The following TRIP12 variants were observed in gnomAD, a reference collection of about 807,000 sequenced individuals.
TRIP12 encodes the protein thyroid hormone receptor interactor 12.
TRIP12 carries 25 observed loss-of-function variants against 244.2 expected under a neutral mutation model. The observed-to-expected ratio is 0.10, with a 90% confidence interval of 0.07 to 0.14. The LOEUF (loss-of-function observed/expected upper bound fraction) is 0.14. Among genes scored for constraint, TRIP12 ranks in the 10% least tolerant of loss-of-function variants. TRIP12 has a pLI of 1.00. For missense variants in TRIP12, 1,677 were observed against 2,486.4 expected, an observed-to-expected ratio of 0.67 and a Z score of 6.92; for synonymous variants, 905 against 873.1, an observed-to-expected ratio of 1.04 and a Z score of -0.64.
At chr2:229,802,812 G>C (rs544871209) in intron 20 of TRIP12, among the ~76,000 whole-genome samples, 1 of 152,108 alleles carries the variant, frequency 6.6e-6, no homozygotes, top group South Asian at 2.1e-4. Context: ...TGGTGTGACA[G>C]CCAGAAGGGA....
chr2:229,784,335 G>A (rs187666299), intron 34 of TRIP12, among the ~76,000 whole-genome samples: 144 of 150,744 alleles, frequency 9.6e-4, no homozygotes, highest in African/African-American at 3.2e-3. Context: ...AAAAAAATCT[G>A]AATAGCCTAT....
chr2:229,770,908 C>G (rs1359469292), intron 39 of TRIP12, among the ~76,000 whole-genome samples: 1 of 152,160 alleles, frequency 6.6e-6, no homozygotes, highest in Non-Finnish European at 1.5e-5. Context: ...GCCTCCCCAG[C>G]CACGTGGAAC....
intron 41 of TRIP12, among the ~76,000 whole-genome samples, chr2:229,768,045 C>T (rs1016663050): frequency 1.3e-5 from 2 of 152,134 alleles, no homozygotes; most frequent in African/African-American, 2.4e-5. Flanking sequence ...GAGCCAGTCG[C>T]TTGAGAGTTT....
At chr2:229,834,554 G>T (rs2054275060) in intron 6 of TRIP12, among the ~76,000 whole-genome samples, 1 of 152,214 alleles carries the variant, frequency 6.6e-6, no homozygotes, top group Non-Finnish European at 1.5e-5. Context: ...GAGGTCAGGA[G>T]TTGGACAGCA....
At chr2:229,783,847 A>T (rs1201573097) in intron 34 of TRIP12, among the ~76,000 whole-genome samples, 1 of 151,176 alleles carries the variant, frequency 6.6e-6, no homozygotes, top group Admixed American at 6.6e-5. Context: ...ACGGTGGCTC[A>T]TGCCTGTAAT....
intron 2 of TRIP12, among the ~76,000 whole-genome samples, chr2:229,869,921 G>T (rs369715316): frequency 6.6e-6 from 1 of 152,288 alleles, no homozygotes; most frequent in East Asian, 1.9e-4. Flanking sequence ...CACATACACA[G>T]TAGTTGGCAA....
intron 4 of TRIP12, among the ~76,000 whole-genome samples, chr2:229,852,084 T>C (rs2058817572): frequency 6.6e-6 from 1 of 152,218 alleles, no homozygotes; most frequent in Non-Finnish European, 1.5e-5. Context: ...CTGGTTCTTG[T>C]CTAGGTCTGA....
At chr2:229,768,816 C>T (rs1470533726) in intron 40 of TRIP12, 97 bp from the exon 41 acceptor site, 1 of 1,155,106 alleles carries the variant, frequency 8.7e-7, no homozygotes, top group African/African-American at 1.6e-5. Context: ...ATTAGATTAG[C>T]ACTTTTAAAT....
chr2:229,881,740 T>C (rs1330995541), intron 1 of TRIP12, among the ~76,000 whole-genome samples: 1 of 152,182 alleles, frequency 6.6e-6, no homozygotes, highest in Non-Finnish European at 1.5e-5. Context: ...TGCGTACTGA[T>C]ATGGAAAGAT....
At chr2:229,779,065 T>A in intron 34 of TRIP12, 75 bp from the exon 35 acceptor site, 1 of 1,188,794 alleles carries the variant, frequency 8.4e-7, no homozygotes, top group Non-Finnish European at 1.3e-6. Context: ...CTTGGAAATG[T>A]GCACACTAAC....
intron 30 of TRIP12, 70 bp downstream of exon 30, chr2:229,791,054 C>A: frequency 6.3e-7 from 1 of 1,588,366 alleles, no homozygotes; most frequent in Non-Finnish European, 8.6e-7. Context: ...CCAAATCACT[C>A]TTTGAAAATC....
rs2031540405 is a variant in TRIP12 at position 229,765,841 on chromosome 2, C to T, written c.*1713G>A. The T allele has an allele frequency of 6.6e-6, 1 of 152,200 alleles. No homozygotes were observed. The highest frequency in any genetic ancestry group is 2.4e-5 in the African/African-American group (1 of 41,436). The allele number at this position is 152,200 out of a possible 1,614,324, so 9.4% of individuals were successfully genotyped here. On this transcript the variant is annotated 3_prime_UTR_variant, in exon 42 of 42. Coordinates refer to ENST00000675903, the MANE Select transcript of TRIP12 (RefSeq NM_001348323.3). ...TCTTGGATTTCAGGGAAAAGCCATTCACTTGTCAGTCTCTGCAGAGACAGG... is the reference window on the plus strand; with the variant it reads ...TCTTGGATTTCAGGGAAAAGCCATTTACTTGTCAGTCTCTGCAGAGACAGG...
chr2:229,770,868 G>A (rs536735646), intron 39 of TRIP12, among the ~76,000 whole-genome samples: 42 of 152,200 alleles, frequency 2.8e-4, no homozygotes, highest in Non-Finnish European at 5.3e-4. Flanking sequence ...CATGTGAGAT[G>A]TGCCTTTCAC....
intron 26 of TRIP12, 183 bp from the exon 27 acceptor site, chr2:229,793,328 C>T (rs965315272): frequency 5.2e-5 from 27 of 518,430 alleles, no homozygotes; most frequent in East Asian, 4.8e-4. Flanking sequence ...AATTTTTATA[C>T]GTAAGAAATA....
At chr2:229,828,342 G>GTTT (rs142458584) in intron 8 of TRIP12, among the ~76,000 whole-genome samples, 1 of 136,898 alleles carries the variant, frequency 7.3e-6, no homozygotes, top group Admixed American at 7.3e-5. Context: ...ACAGTGATTT[G>GTTT]TTTTTTTTTT....
At chr2:229,846,348 C>T (rs1388425737) in intron 4 of TRIP12, among the ~76,000 whole-genome samples, 3 of 152,178 alleles carry the variant, frequency 2.0e-5, no homozygotes, top group African/African-American at 7.2e-5. Context: ...CAGTCAACAT[C>T]TATCAACACT....
rs547121132 is a variant in TRIP12 at position 229,795,751 on chromosome 2, C to T, written c.3817-421G>A. ...CTACACACTGTAGGACCTTTGAAAC[C>T]GACCAAACTCCAGGGGTTTCAGAAA... On this transcript the variant is annotated intron_variant, in intron 25 of 41. Transcript: ENST00000675903. 5.3e-5 allele frequency among the ~76,000 whole-genome samples: 8 copies of T among 152,288 alleles called. No individual in the cohort carries two copies. The East Asian group carries it at 1.2e-3, about 22-fold the overall frequency.
chr2:229,771,656 A>G, intron 38 of TRIP12, 24 bp from the exon 39 acceptor site: 1 of 1,561,640 alleles, frequency 6.4e-7, no homozygotes, highest in Non-Finnish European at 8.8e-7. Flanking sequence ...GTTTTCAAAA[A>G]ACTGTGACAA....
chr2:229,841,984 C>G (rs1458185291), intron 4 of TRIP12, among the ~76,000 whole-genome samples: 2 of 152,174 alleles, frequency 1.3e-5, no homozygotes, highest in Non-Finnish European at 2.9e-5. Context: ...GTCTTTACAG[C>G]AGACTTAAAA....
Sources: gnomAD v4.1 joint callset for allele counts (sites outside exome capture counted in the v4.1 genomes callset) on GRCh38, gnomAD v4.1.1 for gene constraint, MANE v1.5 for transcripts, NCBI Gene and HGNC (gene_info 2026-07-23, HGNC 2026-07-21) for gene names.